FAM135B: variants seen among roughly 807,000 people sequenced by gnomAD.
FAM135B encodes the protein family with sequence similarity 135 member B.
In FAM135B, 43 loss-of-function variants were observed where a neutral mutation model predicts 127.7. The observed-to-expected ratio is 0.34, with a 90% CI of 0.26 to 0.43. FAM135B has a LOEUF of 0.43. Ranked by LOEUF, FAM135B falls within the 20% of genes least tolerant of loss-of-function variation. The probability of loss-of-function intolerance (pLI) is 1.00; values close to 1 mark genes in which losing one functional copy is unlikely to be tolerated. For synonymous variants in FAM135B, 670 were observed against 665.1 expected, an observed-to-expected ratio of 1.01 and a Z score of -0.11; for missense variants, 1,558 against 1,725.6, an observed-to-expected ratio of 0.90 and a Z score of 1.72.
chr8:138,386,669 A>C (rs1156307653), intron 1 of FAM135B, among the ~76,000 whole-genome samples: 5 of 152,226 alleles, frequency 3.3e-5, no homozygotes, highest in Admixed American at 3.3e-4. Context: ...TTTTGGCATG[A>C]ATTAATCATG....
rs765836415 is a variant in FAM135B at position 138,143,034 on chromosome 8, T to G, written c.3616A>C (p.Asn1206His). Reference sequence around the variant, plus strand: ...TACCTAATTCGGGATATGGAGAGGTTGTACAACTGAATGTGTTGAATGATT... The same window carrying G: ...TACCTAATTCGGGATATGGAGAGGTGGTACAACTGAATGTGTTGAATGATT... ...DEIIQHIQLY[N>H]LSISRISFIG... is the part of the protein sequence containing the mutation. Residue 1206 changes from asparagine (N) to histidine (H), a missense_variant, in exon 16 of 20, where the codon AAC becomes CAC. By Grantham distance (68) the Asn-to-His change is moderately conservative (BLOSUM62 1). Coordinates refer to ENST00000395297, the MANE Select transcript of FAM135B (RefSeq NM_015912.4). 53 of 1,602,194 alleles carry G rather than the reference T, an allele frequency of 3.3e-5. No homozygotes were observed. Among genetic ancestry groups the G allele is most frequent in the Non-Finnish European group, 3.9e-5 (46 of 1,169,260 alleles).
At chr8:138,139,318 A>T (rs910390551) in intron 17 of FAM135B, among the ~76,000 whole-genome samples, 1 of 152,220 alleles carries the variant, frequency 6.6e-6, no homozygotes, top group African/African-American at 2.4e-5. Context: ...ATGACAGGAC[A>T]ACAGCCTTCG....
intron 4 of FAM135B, among the ~76,000 whole-genome samples, chr8:138,258,511 AAG>A (rs1822283730): frequency 6.6e-6 from 1 of 152,178 alleles, no homozygotes; most frequent in Non-Finnish European, 1.5e-5. Flanking sequence ...TGTCACCAGG[AAG>A]AGAGACTGGC....
intron 1 of FAM135B, among the ~76,000 whole-genome samples, chr8:138,383,594 A>C (rs1385887405): frequency 6.6e-6 from 1 of 152,224 alleles, no homozygotes; most frequent in African/African-American, 2.4e-5. Context: ...GATACTGGAT[A>C]CTTCAATGCT....
intron 9 of FAM135B, among the ~76,000 whole-genome samples, chr8:138,183,521 G>A (rs17717995): frequency 0.12 from 18,765 of 152,192 alleles, 1,413 homozygotes; most frequent in Non-Finnish European, 0.16. Context: ...ATTTGCAGAC[G>A]ACAGGAGGAA....
rs1822868898 is a variant in FAM135B at position 138,265,781 on chromosome 8, C to T, written c.219G>A (p.Gln73=). ...GTACCTCTTCATTCCGGTATAAGAT[C>T]TGAAAGACCCGGCTGTGCACGGTGC... is the stretch of plus-strand genomic sequence containing the variant. ...HDSTVHSRVF[Q]ILYRNEEVPI... The change falls in exon 4 of 20, where the codon CAG becomes CAA. Residue 73 remains glutamine (Q), a synonymous_variant. Coordinates refer to ENST00000395297, the MANE Select transcript of FAM135B (RefSeq NM_015912.4). The T allele has an allele frequency of 4.3e-6, 7 of 1,614,068 alleles. No individual in the cohort carries two copies. Among genetic ancestry groups the T allele is most frequent in the Non-Finnish European group, 5.1e-6 (6 of 1,179,992 alleles).
At chr8:138,332,805 C>T (rs554769787) in intron 2 of FAM135B, among the ~76,000 whole-genome samples, 11 of 152,104 alleles carry the variant, frequency 7.2e-5, no homozygotes, top group Non-Finnish European at 1.6e-4. Context: ...TACACCCAAA[C>T]GAAACAGCTG....
chr8:138,193,461 G>A (rs1250129178), intron 9 of FAM135B, among the ~76,000 whole-genome samples: 1 of 152,206 alleles, frequency 6.6e-6, no homozygotes, highest in Admixed American at 6.5e-5. Flanking sequence ...TGGGCGTATT[G>A]ACAAATAGTC....
chr8:138,489,685 C>G (rs535507255), intron 1 of FAM135B, among the ~76,000 whole-genome samples: 1 of 152,210 alleles, frequency 6.6e-6, no homozygotes, highest in Non-Finnish European at 1.5e-5. Flanking sequence ...ACCTCTCCAG[C>G]CTTTTAGCTT....
chr8:138,441,864 C>CA (rs912823133), intron 1 of FAM135B: 13 of 151,458 alleles, frequency 8.6e-5, no homozygotes, highest in African/African-American at 2.7e-4. Flanking sequence ...GTCTTGATGA[C>CA]AGAGAATATG....
chr8:138,493,914 T>C (rs1407373281), intron 1 of FAM135B, among the ~76,000 whole-genome samples: 1 of 80,450 alleles, frequency 1.2e-5, no homozygotes, highest in Non-Finnish European at 2.0e-5. Context: ...AGATTAAATC[T>C]AGGCTATCTT....
At chr8:138,299,295 T>C (rs1449213946) in intron 3 of FAM135B, among the ~76,000 whole-genome samples, 3 of 152,052 alleles carry the variant, frequency 2.0e-5, no homozygotes, top group Non-Finnish European at 4.4e-5. Flanking sequence ...TGACTATCTG[T>C]TGCCTATCAA....
chr8:138,388,589 C>G (rs901889481), intron 1 of FAM135B, among the ~76,000 whole-genome samples: 1 of 152,158 alleles, frequency 6.6e-6, no homozygotes, highest in East Asian at 1.9e-4. Context: ...CAAGCCATGT[C>G]GAGGCATGGA....
At chr8:138,294,335 A>T (rs1445770470) in intron 3 of FAM135B, among the ~76,000 whole-genome samples, 2 of 152,152 alleles carry the variant, frequency 1.3e-5, no homozygotes, top group African/African-American at 4.8e-5. Flanking sequence ...CTCAGACTTC[A>T]CCACTATATA....
At chr8:138,277,754 A>T (rs1331960164) in intron 3 of FAM135B, among the ~76,000 whole-genome samples, 1 of 152,158 alleles carries the variant, frequency 6.6e-6, no homozygotes, top group Non-Finnish European at 1.5e-5. Context: ...GAGTAGTGTG[A>T]ATATTCTCAC....
chr8:138,285,134 ATTTTTTT>A (rs386414180), intron 3 of FAM135B, among the ~76,000 whole-genome samples: 3 of 54,794 alleles, frequency 5.5e-5, no homozygotes, highest in South Asian at 1.4e-3. Context: ...GGCTCTACTA[ATTTTTTT>A]TTTTTTTTTT....
intron 1 of FAM135B, among the ~76,000 whole-genome samples, chr8:138,385,435 C>T (rs758087773): frequency 2.6e-4 from 39 of 152,100 alleles, no homozygotes; most frequent in Admixed American, 3.9e-4. Context: ...AAATATTTGC[C>T]GATTGAACTA....
At chr8:138,133,872 G>A (rs1816403105) in intron 19 of FAM135B, among the ~76,000 whole-genome samples, 1 of 152,056 alleles carries the variant, frequency 6.6e-6, no homozygotes, top group African/African-American at 2.4e-5. Flanking sequence ...ATTTGGGGGT[G>A]TTTCTTTTCC....
At chr8:138,196,840 C>G (rs755224539) in intron 8 of FAM135B, among the ~76,000 whole-genome samples, 1 of 152,184 alleles carries the variant, frequency 6.6e-6, no homozygotes, top group Non-Finnish European at 1.5e-5. Context: ...AGCACAGGAT[C>G]CCTGAGCTGT....
Sources: allele counts gnomAD v4.1 joint callset (sites outside exome capture counted in the v4.1 genomes callset), GRCh38; gene constraint gnomAD v4.1.1; transcripts MANE v1.5; gene names NCBI Gene and HGNC (gene_info 2026-07-23, HGNC 2026-07-21).